Variants in LSM12 observed in about 807,000 individuals in gnomAD.
LSM12 encodes the protein protein LSM12.
For synonymous variants in LSM12, 74 were observed against 87.3 expected, an observed-to-expected ratio of 0.85 and a Z score of 0.85; for missense variants, 108 against 238.9, an observed-to-expected ratio of 0.45 and a Z score of 3.61.
At chr17:44,046,709 CAAAAAAA>C (rs542504532) in intron 2 of LSM12, among the ~76,000 whole-genome samples, 1 of 42,692 alleles carries the variant, frequency 2.3e-5, no homozygotes, top group Non-Finnish European at 4.4e-5. Context: ...GACTCCGTCT[CAAAAAAA>C]AAAAAAAAAA....
chr17:44,055,993 C>T (rs1015610071), intron 2 of LSM12, among the ~76,000 whole-genome samples: 5 of 151,584 alleles, frequency 3.3e-5, no homozygotes, highest in African/African-American at 9.7e-5. Flanking sequence ...CTGGGTAGGG[C>T]GTGGTGGCTC....
chr17:44,057,949 A>G (rs2049740355), intron 2 of LSM12, among the ~76,000 whole-genome samples: 1 of 150,758 alleles, frequency 6.6e-6, no homozygotes, highest in African/African-American at 2.4e-5. Context: ...ACAATAAAAA[A>G]ATCTGGGCCG....
chr17:44,050,309 C>G (rs2049626160), intron 2 of LSM12, among the ~76,000 whole-genome samples: 1 of 147,096 alleles, frequency 6.8e-6, no homozygotes, highest in African/African-American at 2.5e-5. Flanking sequence ...GGGGTTTTGC[C>G]ATGTTGACCA....
At chr17:44,066,690 C>T, upstream of LSM12, 2 of 1,228,944 alleles carry the variant, frequency 1.6e-6, no homozygotes, top group Non-Finnish European at 1.0e-6. Flanking sequence ...AGCGTGCTTG[C>T]GTCACACGCC....
At chr17:44,067,232 G>A (rs35837645), upstream of LSM12, among the ~76,000 whole-genome samples, 1,598 of 152,328 alleles carry the variant, frequency 0.01, 28 homozygotes, top group African/African-American at 0.037. Context: ...CCTGGAAGGC[G>A]GAGGTTGCAC....
intron 3 of LSM12, among the ~76,000 whole-genome samples, chr17:44,038,565 G>T (rs1567954761): frequency 1.3e-5 from 2 of 152,102 alleles, no homozygotes; most frequent in Non-Finnish European, 1.5e-5. Flanking sequence ...TGAAGCAGGA[G>T]AATCGCTTGA....
chr17:44,058,214 G>T (rs911206038), intron 2 of LSM12, among the ~76,000 whole-genome samples: 2 of 151,642 alleles, frequency 1.3e-5, no homozygotes, highest in South Asian at 4.2e-4. Context: ...TCCAGCCTGG[G>T]CGACTGAGCA....
intron 2 of LSM12, among the ~76,000 whole-genome samples, chr17:44,041,346 CACACAG>C (rs1237894780): frequency 2.0e-5 from 3 of 150,288 alleles, no homozygotes; most frequent in Non-Finnish European, 4.4e-5. Flanking sequence ...CACACACACA[CACACAG>C]AATTTCCATT....
chr17:44,055,658 G>C (rs2049702252), intron 2 of LSM12, among the ~76,000 whole-genome samples: 1 of 146,770 alleles, frequency 6.8e-6, no homozygotes, highest in Non-Finnish European at 1.5e-5. Flanking sequence ...GCCTGGGTGA[G>C]AGTGAGACCC....
chr17:44,046,880 G>A (rs903902176), intron 2 of LSM12, among the ~76,000 whole-genome samples: 16 of 144,662 alleles, frequency 1.1e-4, no homozygotes, highest in African/African-American at 3.3e-4. Flanking sequence ...ACAGGCGCCC[G>A]CCACCACGCC....
intron 4 of LSM12, among the ~76,000 whole-genome samples, chr17:44,036,604 G>A (rs1233803932): frequency 6.6e-6 from 1 of 151,808 alleles, no homozygotes; most frequent in East Asian, 1.9e-4. Context: ...CTATACCCAA[G>A]TACAAAATGA....
Position 44,043,623 on chromosome 17 carries a change from G to A in LSM12, c.259-3367C>T, listed in dbSNP as rs534164332. 1.9e-4 allele frequency among the ~76,000 whole-genome samples: 28 copies of A among 145,440 alleles called. No individual in the cohort carries two copies. In the South Asian group the frequency reaches 4.1e-3, roughly 21 times the overall value. On this transcript the variant is annotated intron_variant, in intron 2 of 4. Coordinates refer to ENST00000293406, the MANE Select transcript of LSM12 (RefSeq NM_001371445.1). ...TGCAGTGGTGCAATCTCAGCTCACT[G>A]CAACCTAAGGAGGAGTTTCCTTGAA...
chr17:44,042,025 G>A (rs1482100294), intron 2 of LSM12, among the ~76,000 whole-genome samples: 1 of 152,166 alleles, frequency 6.6e-6, no homozygotes, highest in South Asian at 2.1e-4. Context: ...AGTGGCTCAC[G>A]CCTATAATCC....
chr17:44,058,572 C>T (rs2049752696), intron 2 of LSM12, among the ~76,000 whole-genome samples: 2 of 152,080 alleles, frequency 1.3e-5, no homozygotes, highest in South Asian at 4.1e-4. Flanking sequence ...GTGGCTCACG[C>T]CTGTAAACCC....
chr17:44,066,280 A>C (rs2049874725), intron 1 of LSM12, among the ~76,000 whole-genome samples, 184 bp downstream of exon 1: 1 of 152,050 alleles, frequency 6.6e-6, no homozygotes, highest in African/African-American at 2.4e-5. Flanking sequence ...GGATCCCCAA[A>C]GCTGACCGAA....
chr17:44,049,520 C>T (rs1349188314), intron 2 of LSM12, among the ~76,000 whole-genome samples: 1 of 152,116 alleles, frequency 6.6e-6, no homozygotes, highest in Non-Finnish European at 1.5e-5. Context: ...TCCAGCAATC[C>T]TCCCGCCTCA....
chr17:44,037,264 A>G (rs533140200), intron 4 of LSM12, 148 bp downstream of exon 4: 3 of 929,842 alleles, frequency 3.2e-6, no homozygotes, highest in African/African-American at 1.7e-5. Context: ...GCAGAACCCC[A>G]CAGTACAGGG....
intron 2 of LSM12, among the ~76,000 whole-genome samples, chr17:44,062,388 A>T (rs1312294643): frequency 1.3e-5 from 2 of 152,188 alleles, no homozygotes; most frequent in African/African-American, 4.8e-5. Flanking sequence ...GAGAGAGAAT[A>T]ATGCAGGCAA....
chr17:44,049,752 C>T (rs1333070824), intron 2 of LSM12, among the ~76,000 whole-genome samples: 2 of 152,186 alleles, frequency 1.3e-5, no homozygotes, highest in Non-Finnish European at 2.9e-5. Context: ...GCACAGGTGC[C>T]GTGGGGAATC....
Sources: allele counts gnomAD v4.1 joint callset (sites outside exome capture counted in the v4.1 genomes callset), GRCh38; gene constraint gnomAD v4.1.1; transcripts MANE v1.5; gene names NCBI Gene and HGNC (gene_info 2026-07-23, HGNC 2026-07-21).